Variants in ABCA4 observed in about 807,000 individuals in gnomAD.
The protein encoded by ABCA4 is ATP binding cassette subfamily A member 4.
Under a neutral mutation model 263.7 loss-of-function variants are expected in ABCA4, and 196 were observed. That is an observed-to-expected ratio of 0.74 (90% CI 0.66 to 0.84). The LOEUF (loss-of-function observed/expected upper bound fraction) is 0.84. ABCA4 is among the 40% of genes least tolerant of loss of function. ABCA4 has a pLI of 0.00. For synonymous variants in ABCA4, 1,133 were observed against 1,094.2 expected (o/e 1.04, Z -0.70); for missense variants, 2,792 against 2,855.1 (o/e 0.98, Z 0.50).
At position 93,997,189 on chromosome 1, in the gene ABCA4, T is replaced by C. The variant is rs537812557; in HGVS notation, c.6729+672A>G. ...CGCAATAAAAAATGTGATTACATTT[T>C]TAAAAACCACACATGGAATGCACGT... On this transcript the variant is annotated intron_variant, in intron 48 of 49. Coordinates refer to ENST00000370225, the MANE Select transcript of ABCA4 (RefSeq NM_000350.3). Among the ~76,000 whole-genome samples the C allele has an allele frequency of 2.6e-5, 4 of 152,360 alleles. 1 individual carries two copies. The South Asian group carries it at 8.3e-4, about 32-fold the overall frequency.
At chr1:94,060,865 G>T in intron 13 of ABCA4, 106 bp from the exon 14 acceptor site, 1 of 984,614 alleles carries the variant, frequency 1.0e-6, no homozygotes, top group Non-Finnish European at 1.6e-6. Flanking sequence ...CAGATGGAGG[G>T]AAAGGAAAAC....
chr1:94,079,388 C>T lies in ABCA4; in HGVS notation c.1173G>A (p.Lys391=), dbSNP rs561739905. The change falls in exon 9 of 50, where the codon AAG becomes AAA. Residue 391 remains lysine, a synonymous_variant. Coordinates refer to ENST00000370225, the MANE Select transcript of ABCA4 (RefSeq NM_000350.3). ...PLTKIAWRAA[K]PLLMGKILYT... ...ACAGGATTTTTCCCATCAGCAAAGG[C>T]TTTGCCGCCCTCCAAGCGATTTTGG... 13 of 1,614,178 alleles carry T rather than the reference C, an allele frequency of 8.1e-6. No homozygotes were observed. The highest frequency in any genetic ancestry group is 1.1e-5 in the Non-Finnish European group (13 of 1,180,034).
rs758642255 is a variant in ABCA4 at position 94,036,805 on chromosome 1, AAG to A, written c.3814-19_3814-18del. 5 of 1,613,442 alleles carry A rather than the reference AAG, an allele frequency of 3.1e-6. No individual in the cohort carries two copies. In the South Asian group the frequency reaches 4.4e-5, roughly 14 times the overall value. ...CAGAAAAATCTGTCAAGAAGAAAAA[AAG>A]AGAGAATTTTGTTTAGTCATTCTTA... is the stretch of plus-strand genomic sequence containing the variant. On this transcript the variant is annotated intron_variant, in intron 25 of 49. Coordinates refer to ENST00000370225, the MANE Select transcript of ABCA4 (RefSeq NM_000350.3).
At chr1:93,996,249 C>A in intron 48 of ABCA4, 54 bp from the exon 49 acceptor site, 1 of 1,271,494 alleles carries the variant, frequency 7.9e-7, no homozygotes. Flanking sequence ...AAACAGCACC[C>A]TACACCCACC....
chr1:94,086,771 A>C (rs187485075), intron 6 of ABCA4, among the ~76,000 whole-genome samples: 1 of 152,304 alleles, frequency 6.6e-6, no homozygotes, highest in East Asian at 1.9e-4. Context: ...CAGTTTAACC[A>C]CATCAGCATA....
intron 17 of ABCA4, 42 bp downstream of exon 17, chr1:94,051,591 A>G: frequency 6.6e-7 from 1 of 1,523,946 alleles, no homozygotes; most frequent in South Asian, 1.1e-5. Context: ...GAGCCCAAGG[A>G]GTTGATTTCA....
intron 6 of ABCA4, among the ~76,000 whole-genome samples, chr1:94,092,155 C>T (rs1235030556): frequency 6.6e-6 from 1 of 152,170 alleles, no homozygotes; most frequent in Admixed American, 6.5e-5. Flanking sequence ...ATACCTAACA[C>T]AAGGGTAAAT....
intron 36 of ABCA4, among the ~76,000 whole-genome samples, chr1:94,018,801 G>C (rs6664100): frequency 0.072 from 10,959 of 151,934 alleles, 612 homozygotes; most frequent in African/African-American, 0.16. Flanking sequence ...AATAGGGTAC[G>C]CTATCCTGAC....
intron 21 of ABCA4, 135 bp from the exon 22 acceptor site, chr1:94,043,033 T>G (rs751186223): frequency 1.1e-5 from 14 of 1,330,126 alleles, no homozygotes; most frequent in Non-Finnish European, 1.5e-5. Flanking sequence ...TTTATAGCGT[T>G]CAAAGCCCTA....
At chr1:94,102,025 G>A (rs1287872957) in intron 5 of ABCA4, among the ~76,000 whole-genome samples, 2 of 152,154 alleles carry the variant, frequency 1.3e-5, no homozygotes, top group Admixed American at 6.5e-5. Flanking sequence ...GGATTGAGAG[G>A]ACCTGGATTC....
At chr1:94,020,408 C>T (rs1054184371) in intron 35 of ABCA4, among the ~76,000 whole-genome samples, 1 of 152,194 alleles carries the variant, frequency 6.6e-6, no homozygotes, top group African/African-American at 2.4e-5. Context: ...AGCATTTTTA[C>T]TAATTTCCAC....
At chr1:94,108,260 T>G (rs573598164) in intron 4 of ABCA4, among the ~76,000 whole-genome samples, 2 of 152,324 alleles carry the variant, frequency 1.3e-5, no homozygotes, top group East Asian at 3.9e-4. Flanking sequence ...TACGAAACTC[T>G]GTAAACTCGT....
chr1:94,044,779 G>GC, intron 19 of ABCA4, 35 bp from the exon 20 acceptor site: 1 of 1,614,154 alleles, frequency 6.2e-7, no homozygotes, highest in Non-Finnish European at 8.5e-7. Context: ...AGAAGAGATG[G>GC]CCTTTAGCAA....
intron 6 of ABCA4, among the ~76,000 whole-genome samples, chr1:94,084,628 A>G (rs1001156762): frequency 6.6e-6 from 1 of 152,196 alleles, no homozygotes; most frequent in Non-Finnish European, 1.5e-5. Flanking sequence ...TTGTGAAATA[A>G]AAGGCCTTGT....
chr1:93,993,522 A>G (rs1466687373), intron 49 of ABCA4, among the ~76,000 whole-genome samples: 1 of 151,814 alleles, frequency 6.6e-6, no homozygotes, highest in Non-Finnish European at 1.5e-5. Context: ...GGGAAGCTAC[A>G]CCCATGGTGC....
intron 11 of ABCA4, among the ~76,000 whole-genome samples, chr1:94,070,262 C>A (rs1451697166): frequency 1.3e-5 from 2 of 152,184 alleles, no homozygotes; most frequent in African/African-American, 4.8e-5. Flanking sequence ...AGTAAAACAG[C>A]AAAGTTGCCT....
intron 8 of ABCA4, among the ~76,000 whole-genome samples, chr1:94,079,866 T>C (rs1287001730): frequency 6.6e-6 from 1 of 152,172 alleles, no homozygotes; most frequent in East Asian, 1.9e-4. Context: ...GCTGCTTTGT[T>C]GTGTGTAGCT....
Position 94,044,706 on chromosome 1 carries a change from G to T in ABCA4, c.2957C>A (p.Thr986Asn). 6.2e-7 allele frequency: 1 copy of T among 1,614,228 alleles called. No individual in the cohort carries two copies. Among genetic ancestry groups the T allele is most frequent in the African/African-American group, 1.3e-5 (1 of 75,058 alleles). ...AATGTCCCTTCCCCCAACGAGCACA[G>T]TCCCAGAGGTTGGTGGCAACAGACC... ...LTGLLPPTSG[T>N]VLVGGRDIET... Residue 986 changes from threonine to asparagine, a missense_variant, in exon 20 of 50, where the codon ACT becomes AAT. Transcript: ENST00000370225.
intron 28 of ABCA4, 51 bp downstream of exon 28, chr1:94,030,945 C>T (rs772484412): frequency 6.2e-7 from 1 of 1,612,832 alleles, no homozygotes; most frequent in Non-Finnish European, 8.5e-7. Context: ...CAGCATGTGA[C>T]CCAGGTGCCC....
Sources: allele counts gnomAD v4.1 joint callset (sites outside exome capture counted in the v4.1 genomes callset), GRCh38; gene constraint gnomAD v4.1.1; transcripts MANE v1.5; gene names NCBI Gene and HGNC (gene_info 2026-07-23, HGNC 2026-07-21).